Variants in ARL10 observed in about 807,000 individuals in gnomAD.
ARL10 encodes ADP-ribosylation factor-like protein 10.
A neutral mutation model predicts 26.1 loss-of-function variants in ARL10; 23 were observed. That is an observed-to-expected ratio of 0.88 (90% CI 0.63 to 1.25). The LOEUF (loss-of-function observed/expected upper bound fraction) is 1.25. ARL10 is among the 50% of genes most tolerant of loss of function. The pLI is 0.00. For synonymous variants in ARL10, 138 were observed against 149.1 expected (o/e 0.93, Z 0.54); for missense variants, 300 against 323.6 (o/e 0.93, Z 0.56).
At chr5:176,397,450 G>C (rs1185755753) in intron 1 of ARL10, among the ~76,000 whole-genome samples, 1 of 59,940 alleles carries the variant, frequency 1.7e-5, no homozygotes, top group African/African-American at 6.9e-5. Context: ...CCCACAGCCC[G>C]TCTCATGTCC....
downstream of ARL10, chr5:176,393,048 TC>T (rs1756329675): frequency 7.7e-7 from 1 of 1,295,100 alleles, no homozygotes; most frequent in South Asian, 1.3e-5. This position sits in a 1 kb window ranked among gnomAD's most constrained non-coding sequence, Gnocchi z 4.4. Flanking sequence ...CACTGTGTCC[TC>T]CCCAGCCTTG....
chr5:176,398,153 A>G, intron 1 of ARL10: 4 of 942,594 alleles, frequency 4.2e-6, no homozygotes, highest in Non-Finnish European at 6.8e-6. Context: ...AGCCTCAAAC[A>G]ACCTCATACC....
chr5:176,414,679 G>C, the ARL10 span, among the ~76,000 whole-genome samples: 1 of 152,162 alleles, frequency 6.6e-6, no homozygotes, highest in Non-Finnish European at 1.5e-5. Flanking sequence ...AAAGAGCATG[G>C]AGCCCAGAGT....
rs1412366483 is a variant in ARL10, at chr5:176,375,918, T to C, written c.*4023T>C. 6.6e-6 allele frequency: 1 copy of C among 152,180 alleles called. No homozygotes were observed. The highest frequency in any genetic ancestry group is 1.5e-5 in the Non-Finnish European group (1 of 68,036). The allele number at this position is 152,180 out of a possible 1,614,324, so 9.4% of individuals were successfully genotyped here. A position where few individuals can be genotyped will look rare whatever the true frequency, so the allele number is the denominator to read the frequency against. On this transcript the variant is annotated 3_prime_UTR_variant, in exon 4 of 4. Coordinates refer to ENST00000310389, the MANE Select transcript of ARL10 (RefSeq NM_173664.6). ...ATAGGTAGTTCCCAGGTCCTGAATA[T>C]GTGGTGCCTGAAAGCATAGGTGTAG...
At chr5:176,383,144 C>A (rs1243060959), downstream of ARL10, among the ~76,000 whole-genome samples, 1 of 152,170 alleles carries the variant, frequency 6.6e-6, no homozygotes, top group East Asian at 1.9e-4. Context: ...CACCTTGACA[C>A]CTTATAGCCT....
Position 176,377,220 on chromosome 5 carries a change from T to C in ARL10, c.*5325T>C, listed in dbSNP as rs1165334969. ...AATTCAAAGCCAATGGTGGTATCTT[T>C]GGCCAAGATAATCCAATCGATTCAG... On this transcript the variant is annotated 3_prime_UTR_variant, in exon 4 of 4. Transcript: ENST00000310389. The surrounding 1 kb of genome is among the most constrained non-coding windows in gnomAD (Gnocchi z 4.5). 6.6e-6 allele frequency: 1 copy of C among 152,256 alleles called. No individual in the cohort carries two copies. Among genetic ancestry groups the C allele is most frequent in the African/African-American group, 2.4e-5 (1 of 41,482 alleles). 9.4% of individuals were successfully genotyped at this position (152,256 alleles called of 1,614,324 possible). A position where few individuals can be genotyped will look rare whatever the true frequency, so the allele number is the denominator to read the frequency against.
At chr5:176,396,525 C>T (rs1271415011) in intron 1 of ARL10, 2 of 1,613,420 alleles carry the variant, frequency 1.2e-6, no homozygotes, top group Non-Finnish European at 1.7e-6. Flanking sequence ...AATGCTTTGT[C>T]AGCGATCCTT....
chr5:176,403,142 T>C (rs1217920596), downstream of ARL10, among the ~76,000 whole-genome samples: 3 of 147,008 alleles, frequency 2.0e-5, no homozygotes, highest in East Asian at 6.3e-4. Flanking sequence ...CTTGGCCTCC[T>C]GGGTTCAAGC....
chr5:176,396,451 C>T (rs1163782234), intron 1 of ARL10: 3 of 1,601,754 alleles, frequency 1.9e-6, no homozygotes, highest in Non-Finnish European at 2.6e-6. Context: ...TCTAGCTCCC[C>T]CAACAGAGAA....
At position 176,381,628 on chromosome 5, in the gene ARL10, A is replaced by T. The variant is rs189592851; in HGVS notation, c.*9733A>T. 8.4e-4 allele frequency: 128 copies of T among 152,276 alleles called. No homozygotes were observed. Among genetic ancestry groups the T allele is most frequent in the Middle Eastern group, 3.4e-3 (1 of 294 alleles). The allele number at this position is 152,276 out of a possible 1,614,324, so 9.4% of individuals were successfully genotyped here. On this transcript the variant is annotated 3_prime_UTR_variant, in exon 4 of 4. Transcript: ENST00000310389. ...GACATGTTTTGGCAGCCTTCAGCCT[A>T]TGGTTGGCTGAGATCTGACTACTTG...
At chr5:176,392,694 G>C, downstream of ARL10, 1 of 1,516,844 alleles carries the variant, frequency 6.6e-7, no homozygotes, top group Non-Finnish European at 9.0e-7. The surrounding 1 kb of genome is among the most constrained non-coding windows in gnomAD (Gnocchi z 5.2). Flanking sequence ...GCTGCTGCGA[G>C]TCTCCACCCC....
Position 176,380,341 on chromosome 5 carries a change from C to T in ARL10, c.*8446C>T, listed in dbSNP as rs1483039876. ...GTTTTTGTGGCGTTTTCGATCCTTT[C>T]TTTTCTAATGTGTCCCATAAATAAA... On this transcript the variant is annotated 3_prime_UTR_variant, in exon 4 of 4. Coordinates refer to ENST00000310389, the MANE Select transcript of ARL10 (RefSeq NM_173664.6). The T allele has an allele frequency of 6.6e-6, 1 of 152,008 alleles. No homozygotes were observed. Among genetic ancestry groups the T allele is most frequent in the Non-Finnish European group, 1.5e-5 (1 of 68,014 alleles). 9.4% of individuals were successfully genotyped at this position (152,008 alleles called of 1,614,324 possible).
chr5:176,391,483 G>A (rs185260553), downstream of ARL10, among the ~76,000 whole-genome samples: 15 of 152,288 alleles, frequency 9.8e-5, no homozygotes, highest in East Asian at 1.9e-4. Flanking sequence ...GTGGTGGCAC[G>A]TGCCTGTAGT....
At chr5:176,396,053 T>C (rs1046824929) in intron 1 of ARL10, among the ~76,000 whole-genome samples, 4 of 152,124 alleles carry the variant, frequency 2.6e-5, no homozygotes, top group Admixed American at 1.3e-4. Flanking sequence ...GAGAATCGCT[T>C]GAACCCAGGA....
chr5:176,382,426 G>A (rs913717437), downstream of ARL10, among the ~76,000 whole-genome samples: 4 of 152,192 alleles, frequency 2.6e-5, no homozygotes, highest in Non-Finnish European at 4.4e-5. Context: ...AGGGGAGGCT[G>A]TGGACCTGAG....
intron 1 of ARL10, among the ~76,000 whole-genome samples, chr5:176,394,563 A>G (rs945831325): frequency 2.0e-5 from 3 of 151,890 alleles, no homozygotes; most frequent in Admixed American, 6.6e-5. Context: ...CATGCCTGTA[A>G]TCCCAGCACT....
At chr5:176,406,511 G>A (rs1375304770), downstream of ARL10, 2 of 1,237,778 alleles carry the variant, frequency 1.6e-6, no homozygotes, top group Non-Finnish European at 2.1e-6. Flanking sequence ...ATTCCTCTAA[G>A]AAGCTAAAAG....
chr5:176,369,074 G>A, intron 3 of ARL10, 92 bp downstream of exon 3: 1 of 1,552,718 alleles, frequency 6.4e-7, no homozygotes. Flanking sequence ...CCCATGGCCT[G>A]GAGAGGGTGG....
chr5:176,386,508 T>C (rs1755854358), downstream of ARL10: 10 of 390,600 alleles, frequency 2.6e-5, no homozygotes, highest in South Asian at 1.7e-4. Flanking sequence ...ATTGAGATGG[T>C]GGAATCCCTA....
Sources: gnomAD v4.1 joint callset for allele counts (sites outside exome capture counted in the v4.1 genomes callset) on GRCh38, gnomAD v4.1.1 for gene constraint, Gnocchi (gnomAD v3.1) non-coding constraint, MANE v1.5 for transcripts, NCBI Gene and HGNC (gene_info 2026-07-23, HGNC 2026-07-21) for gene names.